The following ROBO2 variants were observed in gnomAD, a reference collection of about 807,000 sequenced individuals.
ROBO2 encodes the protein roundabout guidance receptor 2.
ROBO2 carries 53 observed loss-of-function variants against 160.8 expected under a neutral mutation model. The ratio of observed to expected loss-of-function variants is 0.33; its 90% CI spans 0.26 to 0.41. ROBO2 has a LOEUF of 0.41. Ranked by LOEUF, ROBO2 falls within the 10% of genes least tolerant of loss-of-function variation. The probability of loss-of-function intolerance (pLI) is 1.00; values close to 1 mark genes in which losing one functional copy is unlikely to be tolerated. For synonymous variants in ROBO2, 664 were observed against 611.7 expected, an observed-to-expected ratio of 1.09 and a Z score of -1.26; for missense variants, 1,577 against 1,722.4, an observed-to-expected ratio of 0.92 and a Z score of 1.49.
chr3:76,053,343 A>C (rs2067717831), intron 2 of ROBO2, among the ~76,000 whole-genome samples: 1 of 152,070 alleles, frequency 6.6e-6, no homozygotes. Flanking sequence ...ATTTAAATAA[A>C]ACACTTAAAG....
intron 2 of ROBO2, among the ~76,000 whole-genome samples, chr3:76,912,590 A>G (rs544124410): frequency 9.9e-5 from 15 of 152,180 alleles, no homozygotes; most frequent in Non-Finnish European, 2.2e-4. Context: ...AATCGATAAC[A>G]GCCAATTGCT....
At chr3:76,460,334 T>A (rs1328038855) in intron 2 of ROBO2, among the ~76,000 whole-genome samples, 1 of 152,054 alleles carries the variant, frequency 6.6e-6, no homozygotes, top group East Asian at 1.9e-4. Flanking sequence ...AAAAGAAGCA[T>A]GATCATTTCA....
At chr3:76,449,841 T>G (rs2077387077) in intron 2 of ROBO2, among the ~76,000 whole-genome samples, 1 of 152,082 alleles carries the variant, frequency 6.6e-6, no homozygotes, top group Non-Finnish European at 1.5e-5. Flanking sequence ...AGAGGTTGAG[T>G]TTATTGCATA....
rs531110750 is a variant in ROBO2, at chr3:75,937,054, C to A, written c.-13-427C>A. Among the ~76,000 whole-genome samples, 784 of 152,190 alleles carry A rather than the reference C, an allele frequency of 5.2e-3. 8 individuals carry two copies. Among genetic ancestry groups the A allele is most frequent in the African/African-American group, 0.018 (763 of 41,540 alleles). ...TTCAAAGGTATTTATGCTAAACTTA[C>A]ATAAATGTGTTGAAAAGTCCTTTTG... On this transcript the variant is annotated intron_variant, in intron 1 of 26. Coordinates refer to the ROBO2 transcript ENST00000487694.
At chr3:77,173,351 G>A (rs1038631955) in intron 2 of ROBO2, among the ~76,000 whole-genome samples, 22 of 148,764 alleles carry the variant, frequency 1.5e-4, no homozygotes, top group Non-Finnish European at 1.8e-4. Context: ...GTGCTCTCAT[G>A]AAATGTACCC....
At chr3:76,097,923 G>A (rs564563471) in intron 2 of ROBO2, among the ~76,000 whole-genome samples, 24 of 152,220 alleles carry the variant, frequency 1.6e-4, no homozygotes, top group East Asian at 3.9e-4. Context: ...TCAAAACAAC[G>A]ATTAATAAAA....
intron 2 of ROBO2, among the ~76,000 whole-genome samples, chr3:76,016,248 G>C (rs1458028412): frequency 6.6e-6 from 1 of 151,912 alleles, no homozygotes; most frequent in Non-Finnish European, 1.5e-5. Context: ...GCATCTGCTC[G>C]GGACAGGCTG....
At chr3:77,277,129 C>A (rs1253710170) in intron 2 of ROBO2, among the ~76,000 whole-genome samples, 1 of 144,210 alleles carries the variant, frequency 6.9e-6, no homozygotes, top group Admixed American at 7.0e-5. Context: ...CCCTTCCTTC[C>A]TTCCTTTCTT....
chr3:76,195,658 C>T (rs1039671006), intron 2 of ROBO2, among the ~76,000 whole-genome samples: 3 of 152,176 alleles, frequency 2.0e-5, no homozygotes, highest in Non-Finnish European at 2.9e-5. Flanking sequence ...TAGATACACA[C>T]ATGAAATGTG....
chr3:76,810,321 A>G (rs1333977326), intron 2 of ROBO2, among the ~76,000 whole-genome samples: 3 of 152,148 alleles, frequency 2.0e-5, no homozygotes, highest in Admixed American at 6.6e-5. Context: ...CAGTTCGCCA[A>G]CCCAAACTTT....
At chr3:77,261,645 G>A (rs1310679931) in intron 2 of ROBO2, among the ~76,000 whole-genome samples, 1 of 152,116 alleles carries the variant, frequency 6.6e-6, no homozygotes, top group South Asian at 2.1e-4. Context: ...GCATGCATGT[G>A]TGCAGGAGGT....
chr3:77,108,038 A>C (rs902085008), intron 2 of ROBO2, among the ~76,000 whole-genome samples: 1 of 151,896 alleles, frequency 6.6e-6, no homozygotes, highest in Non-Finnish European at 1.5e-5. Context: ...TTTTCTTAAC[A>C]TGAGGTATAT....
chr3:76,078,552 A>G (rs895129886), intron 2 of ROBO2, among the ~76,000 whole-genome samples: 10 of 152,028 alleles, frequency 6.6e-5, no homozygotes, highest in Non-Finnish European at 1.3e-4. Flanking sequence ...TTTTGTAGAG[A>G]CAGGGTGTCC....
chr3:76,807,249 A>G (rs1455845427), intron 2 of ROBO2, among the ~76,000 whole-genome samples: 4 of 152,070 alleles, frequency 2.6e-5, no homozygotes, highest in Non-Finnish European at 4.4e-5. Context: ...GGAATAGTTC[A>G]TAACAACCTG....
chr3:75,935,419 A>G (rs552268774), intron 1 of ROBO2, among the ~76,000 whole-genome samples: 101 of 152,162 alleles, frequency 6.6e-4, no homozygotes, highest in Non-Finnish European at 1.2e-3. Context: ...GGCCGAGGCA[A>G]AAGTATCACT....
At chr3:76,728,726 G>A (rs961207383) in intron 2 of ROBO2, among the ~76,000 whole-genome samples, 28 of 152,174 alleles carry the variant, frequency 1.8e-4, no homozygotes, top group Non-Finnish European at 3.5e-4. Flanking sequence ...ACCCTGGATC[G>A]CAGCTTACAA....
chr3:76,717,203 C>T (rs1033163752), intron 2 of ROBO2, among the ~76,000 whole-genome samples: 27 of 152,090 alleles, frequency 1.8e-4, no homozygotes, highest in African/African-American at 6.5e-4. Flanking sequence ...TGAAGAAAAG[C>T]CCCACTATGG....
At chr3:76,369,209 G>C (rs2108464723) in intron 2 of ROBO2, among the ~76,000 whole-genome samples, 1 of 152,004 alleles carries the variant, frequency 6.6e-6, no homozygotes, top group Admixed American at 6.6e-5. Context: ...ACCTTCATTG[G>C]TCAGGTATTA....
intron 18 of ROBO2, 51 bp downstream of exon 19, chr3:77,595,235 G>A: frequency 1.5e-6 from 2 of 1,368,706 alleles, no homozygotes; most frequent in Non-Finnish European, 2.1e-6. Flanking sequence ...ATCAGGACTG[G>A]GGAAACTCTA....
Sources: allele counts gnomAD v4.1 joint callset (sites outside exome capture counted in the v4.1 genomes callset), GRCh38; gene constraint gnomAD v4.1.1; transcripts MANE v1.5; gene names NCBI Gene and HGNC (gene_info 2026-07-23, HGNC 2026-07-21).